The following WDFY3 variants were observed in gnomAD, a reference collection of about 807,000 sequenced individuals.
The protein encoded by WDFY3 is WD repeat and FYVE domain containing 3.
A neutral mutation model predicts 409.6 loss-of-function variants in WDFY3; 66 were observed. The ratio of observed to expected loss-of-function variants is 0.16; its 90% CI spans 0.13 to 0.20. WDFY3 has a LOEUF of 0.20. WDFY3 is among the 10% of genes least tolerant of loss of function. The pLI is 1.00. For synonymous variants in WDFY3, 1,521 were observed against 1,537.1 expected (o/e 0.99, Z 0.25); for missense variants, 3,031 against 4,298.1 (o/e 0.71, Z 8.24).
chr4:84,942,721 T>C (rs1772298954), intron 1 of WDFY3, among the ~76,000 whole-genome samples: 1 of 152,218 alleles, frequency 6.6e-6, no homozygotes, highest in African/African-American at 2.4e-5. Context: ...CTCGGTAAAA[T>C]ATCTGTTCAA....
chr4:84,695,414 T>C (rs879816887), intron 58 of WDFY3, among the ~76,000 whole-genome samples: 5 of 151,580 alleles, frequency 3.3e-5, no homozygotes, highest in Non-Finnish European at 5.9e-5. Flanking sequence ...CCACAATAGC[T>C]TTCTTAGTGG....
At chr4:84,696,239 C>G (rs1484075742) in intron 57 of WDFY3, 57 bp from the exon 58 acceptor site, 4 of 1,534,608 alleles carry the variant, frequency 2.6e-6, no homozygotes, top group African/African-American at 2.8e-5. Flanking sequence ...TGCTCAGAGA[C>G]TAGAAAAACC....
intron 21 of WDFY3, among the ~76,000 whole-genome samples, chr4:84,791,872 T>C (rs1748598440): frequency 6.6e-6 from 1 of 152,184 alleles, no homozygotes; most frequent in Non-Finnish European, 1.5e-5. Flanking sequence ...TACCAGACCA[T>C]GCTAAGAAAT....
chr4:84,853,054 C>T (rs780758347), intron 4 of WDFY3, among the ~76,000 whole-genome samples: 1 of 150,630 alleles, frequency 6.6e-6, no homozygotes, highest in Non-Finnish European at 1.5e-5. Context: ...CCACTGTGCC[C>T]GGCCAGAAAC....
At chr4:84,867,444 G>A (rs911557903) in intron 3 of WDFY3, among the ~76,000 whole-genome samples, 22 of 152,274 alleles carry the variant, frequency 1.4e-4, no homozygotes, top group Middle Eastern at 3.4e-3. Flanking sequence ...CTATTTATAA[G>A]GATTATTGTG....
At chr4:84,942,117 A>T (rs910173775) in intron 1 of WDFY3, among the ~76,000 whole-genome samples, 3 of 152,144 alleles carry the variant, frequency 2.0e-5, no homozygotes, top group Non-Finnish European at 4.4e-5. Context: ...CTTCGGGGAA[A>T]ATCATTGTTA....
Position 84,778,663 on chromosome 4 carries a change from A to G in WDFY3, c.4366-8T>C. On this transcript the variant is annotated splice_polypyrimidine_tract_variant and splice_region_variant and intron_variant, in intron 26 of 67. Coordinates refer to ENST00000295888, the MANE Select transcript of WDFY3 (RefSeq NM_014991.6). ...AAGCAACATTGCCAGCAACTACAAG[A>G]AAGTAATACCAAATGCCTGTTGATA... 2 of 1,603,350 alleles carry G rather than the reference A, an allele frequency of 1.2e-6. No homozygotes were observed. The highest frequency in any genetic ancestry group is 1.7e-6 in the Non-Finnish European group (2 of 1,176,718).
At chr4:84,708,812 A>G in intron 53 of WDFY3, 97 bp downstream of exon 53, 1 of 1,371,310 alleles carries the variant, frequency 7.3e-7, no homozygotes, top group Non-Finnish European at 1.0e-6. Context: ...AAGTGCTAGG[A>G]TTTTAGGGAT....
At chr4:84,810,436 T>C in intron 13 of WDFY3, 92 bp from the exon 14 acceptor site, 1 of 1,069,932 alleles carries the variant, frequency 9.3e-7, no homozygotes, top group Non-Finnish European at 1.3e-6. Flanking sequence ...TTGTACATTC[T>C]GTGAATCTGA....
intron 2 of WDFY3, among the ~76,000 whole-genome samples, chr4:84,928,657 T>TGGCA (rs1298934605): frequency 2.6e-5 from 4 of 152,156 alleles, no homozygotes; most frequent in African/African-American, 9.7e-5. Flanking sequence ...TCCTCACATA[T>TGGCA]GGCAGCTAAT....
Position 84,841,255 on chromosome 4 carries a change from T to C in WDFY3, c.313A>G (p.Ser105Gly). 1 of 1,612,084 alleles carries C rather than the reference T, an allele frequency of 6.2e-7. No homozygotes were observed. Among genetic ancestry groups the C allele is most frequent in the South Asian group, 1.1e-5 (1 of 90,378 alleles). The change falls in exon 6 of 68, where the codon AGT (serine) becomes GGT (glycine). Residue 105 changes from serine to glycine, a missense_variant. Ser to Gly is a moderately conservative substitution (Grantham distance 56). Transcript: ENST00000295888. Reference sequence around the variant, plus strand: ...TCTAGGAACTGAACTATGGCCCGACTTGCAGCCTCTATAAAACCAAAGGGA... The same window carrying C: ...TCTAGGAACTGAACTATGGCCCGACCTGCAGCCTCTATAAAACCAAAGGGA... ...RASNKSTEAA[S>G]RAIVQFLEIN...
chr4:84,712,373 T>TAAAAAAAAAAAAAAAA (rs998951453), intron 51 of WDFY3, among the ~76,000 whole-genome samples: 1 of 75,052 alleles, frequency 1.3e-5, no homozygotes, highest in Non-Finnish European at 2.8e-5. Flanking sequence ...AGAAAAAAAT[T>TAAAAAAAAAAAAAAAA]AAAAAAAAAA....
At chr4:84,704,485 A>T (rs780142977) in intron 54 of WDFY3, 41 bp from the exon 55 acceptor site, 2 of 1,445,014 alleles carry the variant, frequency 1.4e-6, no homozygotes, top group African/African-American at 2.9e-5. Flanking sequence ...CCAAAAGAAG[A>T]AATATGAAAA....
Position 84,682,979 on chromosome 4 carries a change from G to T in WDFY3, c.9727-509C>A, listed in dbSNP as rs193195384. 10 of 154,094 alleles carry T rather than the reference G, an allele frequency of 6.5e-5. 1 individual carries two copies. Among genetic ancestry groups the T allele is most frequent in the Admixed American group, 6.4e-4 (10 of 15,624 alleles). 9.5% of individuals were successfully genotyped at this position (154,094 alleles called of 1,614,324 possible). ...CCTGGGCGACAGAGCAACTCACTCT[G>T]TCTCAAAAACAAAACAAAAACATAG... is the stretch of plus-strand genomic sequence containing the variant. On this transcript the variant is annotated intron_variant, in intron 63 of 67. Coordinates refer to ENST00000295888, the MANE Select transcript of WDFY3 (RefSeq NM_014991.6).
At chr4:84,934,593 T>C (rs1014007664) in intron 1 of WDFY3, among the ~76,000 whole-genome samples, 3 of 152,012 alleles carry the variant, frequency 2.0e-5, no homozygotes, top group African/African-American at 4.8e-5. Flanking sequence ...CAGTAGAGAG[T>C]AGGCAGAATT....
intron 3 of WDFY3, among the ~76,000 whole-genome samples, chr4:84,864,260 C>T (rs368361866): frequency 5.3e-5 from 8 of 149,882 alleles, no homozygotes; most frequent in African/African-American, 1.5e-4. Flanking sequence ...CCCAGCTACT[C>T]AGGAGGCCGA....
At chr4:84,962,876 A>G (rs1437995865) in intron 1 of WDFY3, among the ~76,000 whole-genome samples, 4 of 151,544 alleles carry the variant, frequency 2.6e-5, no homozygotes, top group East Asian at 2.0e-4. Context: ...GATTCACCAT[A>G]TTGGCCAGGC....
intron 7 of WDFY3, among the ~76,000 whole-genome samples, chr4:84,832,366 G>C (rs1281968894): frequency 6.6e-6 from 1 of 152,028 alleles, no homozygotes; most frequent in African/African-American, 2.4e-5. Context: ...GCTAAAGGCT[G>C]GTTAAGGGAT....
chr4:84,927,127 T>C (rs555454557), intron 2 of WDFY3, among the ~76,000 whole-genome samples: 1 of 152,290 alleles, frequency 6.6e-6, no homozygotes, highest in South Asian at 2.1e-4. Context: ...TTTACAGTAA[T>C]TCACAAATAA....
Sources: gnomAD v4.1 joint callset for allele counts (sites outside exome capture counted in the v4.1 genomes callset) on GRCh38, gnomAD v4.1.1 for gene constraint, MANE v1.5 for transcripts, NCBI Gene and HGNC (gene_info 2026-07-23, HGNC 2026-07-21) for gene names.